Variants in AHNAK observed in about 807,000 individuals in gnomAD.
AHNAK encodes AHNAK nucleoprotein, also known as neuroblast differentiation-associated protein AHNAK.
Under a neutral mutation model 37.8 loss-of-function variants are expected in AHNAK, and 23 were observed. The ratio of observed to expected loss-of-function variants is 0.61; its 90% CI spans 0.44 to 0.86. AHNAK has a LOEUF of 0.86. AHNAK is among the 40% of genes least tolerant of loss of function. AHNAK has a pLI of 0.00. For synonymous variants in AHNAK, 2,481 were observed against 2,636.3 expected (o/e 0.94, Z 1.80); for missense variants, 7,411 against 7,319.4 (o/e 1.01, Z -0.46).
At chr11:62,441,260 C>A (rs941225095) in intron 5 of AHNAK, among the ~76,000 whole-genome samples, 3 of 151,908 alleles carry the variant, frequency 2.0e-5, no homozygotes, top group African/African-American at 7.2e-5. Context: ...CCTTGGCCTC[C>A]CAAAGTGCTG....
At chr11:62,534,613 G>A (rs11826380) in intron 4 of AHNAK, among the ~76,000 whole-genome samples, 5,310 of 152,298 alleles carry the variant, frequency 0.035, 322 homozygotes, top group African/African-American at 0.12. Context: ...TTGCTGCCCA[G>A]CGTCTGACCC....
At chr11:62,537,868 G>C (rs1195990151) in intron 1 of AHNAK, among the ~76,000 whole-genome samples, 2 of 152,034 alleles carry the variant, frequency 1.3e-5, no homozygotes, top group Non-Finnish European at 1.5e-5. Context: ...ATTTTTAGTA[G>C]AGATGGGGTT....
intron 5 of AHNAK, among the ~76,000 whole-genome samples, chr11:62,462,894 G>A (rs577981264): frequency 5.3e-5 from 8 of 152,184 alleles, no homozygotes; most frequent in Non-Finnish European, 1.0e-4. Context: ...ACTTTGGGAG[G>A]CTGAGGCAGG....
At position 62,519,634 on chromosome 11, in the gene AHNAK, G is replaced by T. The variant is rs973170917; in HGVS notation, c.14783C>A (p.Pro4928Gln). The change falls in exon 5 of 5, where the codon CCA becomes CAA. Residue 4928 changes from proline (P) to glutamine (Q), a missense_variant. Transcript: ENST00000378024. ...CTTCGGACCTGAAAATCCAATTTTTGGTGCCTTGAGATGCAAATCAACATC... is the reference window on the plus strand; with the variant it reads ...CTTCGGACCTGAAAATCCAATTTTTTGTGCCTTGAGATGCAAATCAACATC... ...APDVDLHLKAPKIGFSGPKLE... is the reference protein window; with the variant it reads ...APDVDLHLKAQKIGFSGPKLE... The T allele has an allele frequency of 7.4e-6, 12 of 1,613,242 alleles. No individual in the cohort carries two copies. The highest frequency in any genetic ancestry group is 1.0e-5 in the Non-Finnish European group (12 of 1,179,812).
chr11:62,517,784 C>T lies in AHNAK; in HGVS notation c.16633G>A (p.Gly5545Arg). 1 of 1,614,180 alleles carries T rather than the reference C, an allele frequency of 6.2e-7. No individual in the cohort carries two copies. ...HGAAPDISVK[G>R]PAFNMASPES... ...GGAGATGCCATATTAAAGGCAGGCC[C>T]CTTCACACTGATATCAGGAGCAGCC... The change falls in exon 5 of 5, where the codon GGG (glycine) becomes AGG (arginine). Residue 5545 changes from glycine (G) to arginine (R), a missense_variant. Gly to Arg is a moderately radical substitution (Grantham distance 125). Coordinates refer to ENST00000378024, the MANE Select transcript of AHNAK (RefSeq NM_001620.3).
chr11:62,489,713 G>A (rs1482151885), intron 5 of AHNAK, among the ~76,000 whole-genome samples: 6 of 152,046 alleles, frequency 3.9e-5, no homozygotes, highest in South Asian at 2.1e-4. Flanking sequence ...CTGGAGCTCG[G>A]AAGAGAAGCA....
intron 4 of AHNAK, among the ~76,000 whole-genome samples, chr11:62,508,607 A>G (rs1939851612): frequency 6.6e-6 from 1 of 152,200 alleles, no homozygotes; most frequent in Admixed American, 6.5e-5. Flanking sequence ...TTTAAAGGGA[A>G]ATGAAACTGC....
At chr11:62,473,294 G>C (rs1320289713) in intron 5 of AHNAK, among the ~76,000 whole-genome samples, 1 of 150,244 alleles carries the variant, frequency 6.7e-6, no homozygotes, top group Non-Finnish European at 1.5e-5. Context: ...CTACTTGAGG[G>C]GCTGAGGCAG....
At chr11:62,504,901 T>C (rs1237012149) in intron 4 of AHNAK, among the ~76,000 whole-genome samples, 1 of 152,200 alleles carries the variant, frequency 6.6e-6, no homozygotes, top group Non-Finnish European at 1.5e-5. Flanking sequence ...TAAGCTGGCC[T>C]GCTGATGGGC....
chr11:62,473,180 AG>A (rs1939070758), intron 5 of AHNAK, among the ~76,000 whole-genome samples: 1 of 148,944 alleles, frequency 6.7e-6, no homozygotes, highest in African/African-American at 2.5e-5. Context: ...GTGGATCACA[AG>A]GTCAGGAGTT....
Position 62,524,177 on chromosome 11 carries a change from T to G in AHNAK, c.10240A>C (p.Lys3414Gln). 6.2e-7 allele frequency: 1 copy of G among 1,614,072 alleles called. No homozygotes were observed. The highest frequency in any genetic ancestry group is 8.5e-7 in the Non-Finnish European group (1 of 1,180,008). Residue 3414 changes from lysine to glutamine, a missense_variant, in exon 5 of 5, where the codon AAA becomes CAA. Coordinates refer to ENST00000378024, the MANE Select transcript of AHNAK (RefSeq NM_001620.3). The stretch of plus-strand genomic sequence containing the variant: ...AGCTCCACGTCAGGCATAGAAACTT[T>G]GGGAGATGAAATACTCAGGAAAGGC... The part of the protein sequence containing the change: ...KMPFLSISSP[K>Q]VSMPDVELNL...
At chr11:62,506,554 G>C (rs1210056921) in intron 4 of AHNAK, among the ~76,000 whole-genome samples, 1 of 152,122 alleles carries the variant, frequency 6.6e-6, no homozygotes, top group Middle Eastern at 3.2e-3. Flanking sequence ...TCTCCCCCCA[G>C]ACAGGAGGCT....
Position 62,520,287 on chromosome 11 carries a change from C to G in AHNAK, c.14130G>C (p.Lys4710Asn), listed in dbSNP as rs1211967590. 43 of 1,613,384 alleles carry G rather than the reference C, an allele frequency of 2.7e-5. No individual in the cohort carries two copies. Among genetic ancestry groups the G allele is most frequent in the Non-Finnish European group, 3.5e-5 (41 of 1,179,892 alleles). Reference sequence around the variant, plus strand: ...GGGCTTTGATGCTCATCTCAGGCATCTTGAACTTGGGGCCCTTTAGTTTCG... The same window carrying G: ...GGGCTTTGATGCTCATCTCAGGCATGTTGAACTTGGGGCCCTTTAGTTTCG... Reference protein sequence around the residue: ...PDAKLKGPKFKMPEMSIKAPK... With the variant: ...PDAKLKGPKFNMPEMSIKAPK... The change falls in exon 5 of 5, where the codon AAG becomes AAC. Residue 4710 changes from lysine (K) to asparagine (N), a missense_variant. Physicochemically the swap from Lys to Asn is moderately conservative, Grantham distance 94 (BLOSUM62 0). Transcript: ENST00000378024.
intron 5 of AHNAK, among the ~76,000 whole-genome samples, chr11:62,490,684 C>T (rs1053261471): frequency 2.0e-5 from 3 of 152,156 alleles, no homozygotes; most frequent in East Asian, 1.9e-4. Flanking sequence ...CCCAGTGACA[C>T]GGCAGTCAGT....
rs143376695 is a variant in AHNAK, at chr11:62,482,332, T to C, written c.442+9400A>G. 3.1e-3 allele frequency among the ~76,000 whole-genome samples: 468 copies of C among 152,140 alleles called. 2 individuals carry two copies. The highest frequency in any genetic ancestry group is 0.011 in the African/African-American group (444 of 41,498). On this transcript the variant is annotated intron_variant, in intron 5 of 5. Coordinates refer to the AHNAK transcript ENST00000257247. Reference sequence around the variant, plus strand: ...CAGGAAGCTGAGGCAGGAGAATCATTTGAGCCCAGGAGGCAAAGGTTGCAG... The same window carrying C: ...CAGGAAGCTGAGGCAGGAGAATCATCTGAGCCCAGGAGGCAAAGGTTGCAG...
intron 3 of AHNAK, 32 bp downstream of exon 3, chr11:62,535,913 C>T: frequency 6.3e-7 from 1 of 1,591,558 alleles, no homozygotes; most frequent in Non-Finnish European, 8.5e-7. Context: ...CCCCAACCAC[C>T]AGCACCCAGT....
chr11:62,486,581 G>A (rs1236749008), intron 5 of AHNAK, among the ~76,000 whole-genome samples: 3 of 151,924 alleles, frequency 2.0e-5, no homozygotes, highest in African/African-American at 4.8e-5. Context: ...GTGGTTGCCG[G>A]GGGCTGGAGA....
At chr11:62,477,443 T>C (rs531132) in intron 5 of AHNAK, among the ~76,000 whole-genome samples, 129,641 of 152,118 alleles carry the variant, frequency 0.85, 56,978 homozygotes, top group Non-Finnish European at 0.96. Flanking sequence ...TGAAATAACC[T>C]GTACAACAAG....
At chr11:62,475,044 C>T (rs1193558872) in intron 5 of AHNAK, among the ~76,000 whole-genome samples, 4 of 152,040 alleles carry the variant, frequency 2.6e-5, no homozygotes, top group African/African-American at 7.2e-5. Flanking sequence ...GGCTCACGCC[C>T]GTAATCCCAA....
Sources: gnomAD v4.1 joint callset for allele counts (sites outside exome capture counted in the v4.1 genomes callset) on GRCh38, gnomAD v4.1.1 for gene constraint, MANE v1.5 for transcripts, NCBI Gene and HGNC (gene_info 2026-07-23, HGNC 2026-07-21) for gene names.